Variants in SHISAL2A observed in about 807,000 individuals in gnomAD.
The protein encoded by SHISAL2A is protein shisa-like-2A.
SHISAL2A carries 18 observed loss-of-function variants against 11.5 expected under a neutral mutation model. The observed-to-expected ratio is 1.57, with a 90% CI of 1.08 to 2.33. SHISAL2A has a LOEUF of 2.33. Ranked by LOEUF, SHISAL2A falls within the 30% of genes most tolerant of loss-of-function variation. The pLI, the probability that SHISAL2A is intolerant of heterozygous loss-of-function variation, is 0.00. For synonymous variants in SHISAL2A, 94 were observed against 99.6 expected, an observed-to-expected ratio of 0.94 and a Z score of 0.34; for missense variants, 261 against 250.9, an observed-to-expected ratio of 1.04 and a Z score of -0.27.
At chr1:52,651,247 G>GT (rs1004494227) in intron 2 of SHISAL2A, among the ~76,000 whole-genome samples, 18 of 150,112 alleles carry the variant, frequency 1.2e-4, no homozygotes, top group Admixed American at 2.0e-4. Context: ...TTTGTTTTTT[G>GT]TTTTTTTTGA....
intron 2 of SHISAL2A, among the ~76,000 whole-genome samples, chr1:52,645,936 CAA>C (rs1311928781): frequency 6.6e-6 from 1 of 152,080 alleles, no homozygotes; most frequent in African/African-American, 2.4e-5. Flanking sequence ...TTTTGGAAAA[CAA>C]AGAAGAGGAG....
At chr1:52,657,167 C>CT (rs887350021), downstream of SHISAL2A, 6 of 1,277,754 alleles carry the variant, frequency 4.7e-6, no homozygotes, top group Non-Finnish European at 5.4e-6. Context: ...CCCAGCCCTG[C>CT]TGTGGACCCT....
intron 1 of SHISAL2A, among the ~76,000 whole-genome samples, chr1:52,640,231 C>G (rs1006362188): frequency 2.6e-5 from 4 of 152,184 alleles, no homozygotes; most frequent in African/African-American, 9.7e-5. Context: ...TAGCCATTAA[C>G]TAACAGGGAG....
chr1:52,648,567 A>G (rs6679144), intron 2 of SHISAL2A, among the ~76,000 whole-genome samples: 52,765 of 151,780 alleles, frequency 0.35, 9,268 homozygotes, highest in Middle Eastern at 0.42. Flanking sequence ...AATGTGCCAG[A>G]CACTGTTTGA....
At position 52,642,410 on chromosome 1, in the gene SHISAL2A, T is replaced by G. The variant is rs1231387911; in HGVS notation, c.183-453T>G. Reference sequence around the variant, plus strand: ...GGACAAAACAAAAGTCAAAGCTGATTCCTACAACACAACACTAATTTTTTT... The same window carrying G: ...GGACAAAACAAAAGTCAAAGCTGATGCCTACAACACAACACTAATTTTTTT... On this transcript the variant is annotated intron_variant, in intron 1 of 2. Transcript: ENST00000517870. Among the ~76,000 whole-genome samples, 3 of 148,710 alleles carry G rather than the reference T, an allele frequency of 2.0e-5. No individual in the cohort carries two copies. The East Asian group carries it at 6.0e-4, about 30-fold the overall frequency.
At chr1:52,653,896 G>A (rs915033162) in intron 2 of SHISAL2A, among the ~76,000 whole-genome samples, 7 of 151,906 alleles carry the variant, frequency 4.6e-5, no homozygotes, top group Non-Finnish European at 8.8e-5. Context: ...TAGGCCAGTC[G>A]TATTTTCTGT....
chr1:52,649,920 A>G (rs965184991), intron 2 of SHISAL2A, among the ~76,000 whole-genome samples: 2 of 152,176 alleles, frequency 1.3e-5, no homozygotes, highest in African/African-American at 4.8e-5. Flanking sequence ...AAAAGCTCCT[A>G]GAAATAAAGT....
At chr1:52,655,452 C>CAAAA (rs11346128) in intron 2 of SHISAL2A, among the ~76,000 whole-genome samples, 6 of 40,124 alleles carry the variant, frequency 1.5e-4, no homozygotes, top group Non-Finnish European at 2.7e-4. Flanking sequence ...CCTGTATCTA[C>CAAAA]AAAAAAAAAA....
chr1:52,642,960 C>T lies in SHISAL2A; in HGVS notation c.280C>T (p.Pro94Ser). 1 of 1,614,136 alleles carries T rather than the reference C, an allele frequency of 6.2e-7. No individual in the cohort carries two copies. Among genetic ancestry groups the T allele is most frequent in the Non-Finnish European group, 8.5e-7 (1 of 1,180,018 alleles). Residue 94 changes from proline (P) to serine (S), a missense_variant, in exon 2 of 3, where the codon CCC becomes TCC. Physicochemically the swap from Pro to Ser is moderately conservative, Grantham distance 74. Coordinates refer to ENST00000517870, the MANE Select transcript of SHISAL2A (RefSeq NM_001042693.3). ...VLCYLFISSK[P>S]HTKLDLGLSL... ...CTGCTACCTGTTCATCAGCTCTAAG[C>T]CCCACACAAAGTTGGACCTGGGCTT...
chr1:52,645,198 C>A (rs570562522), intron 2 of SHISAL2A, among the ~76,000 whole-genome samples: 1 of 152,196 alleles, frequency 6.6e-6, no homozygotes, highest in African/African-American at 2.4e-5. Context: ...GCACAAGAAC[C>A]CTTCTCAGAT....
At chr1:52,648,344 G>A (rs1422061558) in intron 2 of SHISAL2A, among the ~76,000 whole-genome samples, 1 of 151,950 alleles carries the variant, frequency 6.6e-6, no homozygotes, top group Non-Finnish European at 1.5e-5. Context: ...ATTAAATATT[G>A]ATACAATATA....
intron 1 of SHISAL2A, among the ~76,000 whole-genome samples, chr1:52,635,414 T>C (rs1341021222): frequency 6.8e-6 from 1 of 147,358 alleles, no homozygotes; most frequent in Non-Finnish European, 1.5e-5. Flanking sequence ...TGGTGGCAGA[T>C]GGGGCTAGGG....
At chr1:52,635,601 G>A (rs1691220793) in intron 1 of SHISAL2A, among the ~76,000 whole-genome samples, 1 of 152,080 alleles carries the variant, frequency 6.6e-6, no homozygotes, top group Admixed American at 6.6e-5. Context: ...AGGTCTGAAA[G>A]ATACCTCAAA....
At chr1:52,655,571 C>T (rs995860534) in intron 2 of SHISAL2A, among the ~76,000 whole-genome samples, 8 of 150,474 alleles carry the variant, frequency 5.3e-5, no homozygotes, top group Admixed American at 4.0e-4. Flanking sequence ...GGCTGTAGTG[C>T]GCCATGTTCA....
chr1:52,663,983 T>A (rs1219596711), intron 4 of SHISAL2A, among the ~76,000 whole-genome samples: 1 of 152,198 alleles, frequency 6.6e-6, no homozygotes, highest in Non-Finnish European at 1.5e-5. Flanking sequence ...GTCATATTTT[T>A]GAGCATTGCA....
At chr1:52,643,339 T>C (rs1398060699) in intron 2 of SHISAL2A, among the ~76,000 whole-genome samples, 2 of 152,210 alleles carry the variant, frequency 1.3e-5, no homozygotes, top group Non-Finnish European at 2.9e-5. Context: ...AGAATTAATT[T>C]TTAAAATCTG....
At chr1:52,666,714 C>T (rs905859695) in intron 4 of SHISAL2A, among the ~76,000 whole-genome samples, 4 of 152,044 alleles carry the variant, frequency 2.6e-5, no homozygotes, top group Admixed American at 6.6e-5. Flanking sequence ...GAGGTAGTTG[C>T]CAGAAACTAC....
At chr1:52,649,776 T>C (rs766108473) in intron 2 of SHISAL2A, among the ~76,000 whole-genome samples, 14 of 152,316 alleles carry the variant, frequency 9.2e-5, no homozygotes, top group Non-Finnish European at 1.8e-4. Context: ...GAGGTGAGTG[T>C]AGAGGTGATA....
exon 5 of SHISAL2A, chr1:52,667,443 A>G (rs1692033295): frequency 3.1e-6 from 3 of 973,072 alleles, no homozygotes; most frequent in African/African-American, 3.5e-5. Flanking sequence ...TAATTCGTTC[A>G]AAGAGATTGA....
Sources: gnomAD v4.1 joint callset for allele counts (sites outside exome capture counted in the v4.1 genomes callset) on GRCh38, gnomAD v4.1.1 for gene constraint, MANE v1.5 for transcripts, NCBI Gene and HGNC (gene_info 2026-07-23, HGNC 2026-07-21) for gene names.